PKIG: variants seen among roughly 807,000 people sequenced by gnomAD.
The protein encoded by PKIG is protein kinase (cAMP-dependent, catalytic) inhibitor gamma.
A neutral mutation model predicts 6.8 loss-of-function variants in PKIG; 1 was observed. The observed-to-expected ratio is 0.15, with a 90% CI of 0.05 to 0.69. The LOEUF is 0.69. Ranked by LOEUF, PKIG falls within the 30% of genes least tolerant of loss-of-function variation. The probability of loss-of-function intolerance (pLI) is 0.82; values close to 1 mark genes in which losing one functional copy is unlikely to be tolerated. For missense variants in PKIG, 77 were observed against 104.0 expected (o/e 0.74, Z 1.13); for synonymous variants, 39 against 43.0 (o/e 0.91, Z 0.36).
chr20:44,590,388 C>T (rs2065024859), intron 2 of PKIG, among the ~76,000 whole-genome samples: 1 of 152,164 alleles, frequency 6.6e-6, no homozygotes, highest in South Asian at 2.1e-4. Context: ...TGCAGTCCCT[C>T]CAGCTGAGAA....
intron 1 of PKIG, among the ~76,000 whole-genome samples, chr20:44,583,218 C>T (rs2123349841): frequency 6.6e-6 from 1 of 152,304 alleles, no homozygotes; most frequent in Non-Finnish European, 1.5e-5. Context: ...TATGGTCAGA[C>T]TCCATGAATT....
intron 2 of PKIG, among the ~76,000 whole-genome samples, chr20:44,611,570 G>C (rs1177558239): frequency 6.7e-6 from 1 of 149,842 alleles, no homozygotes; most frequent in Non-Finnish European, 1.5e-5. Context: ...AGGCTAGAGT[G>C]CAGTGTCATG....
chr20:44,541,252 C>G (rs533983470), intron 1 of PKIG, among the ~76,000 whole-genome samples: 1 of 152,302 alleles, frequency 6.6e-6, no homozygotes, highest in South Asian at 2.1e-4. Flanking sequence ...GATTCTCCAT[C>G]AGCTGTGTGC....
chr20:44,543,815 C>T (rs6031652), intron 1 of PKIG, among the ~76,000 whole-genome samples: 10,680 of 152,178 alleles, frequency 0.07, 412 homozygotes, highest in South Asian at 0.15. Flanking sequence ...GTAATCCCAG[C>T]ACTGTGGGAA....
chr20:44,612,042 A>G lies in PKIG; in HGVS notation c.-23-2492A>G, dbSNP rs139137553. Among the ~76,000 whole-genome samples the G allele has an allele frequency of 3.0e-3, 450 of 152,134 alleles. 2 individuals are homozygous for G. The highest frequency in any genetic ancestry group is 5.7e-3 in the Admixed American group (87 of 15,266). ...CATGTTGGACATTTGGGTTGATTCC[A>G]TATCTTGGCTATTATAAATAGTGCT... On this transcript the variant is annotated intron_variant, in intron 2 of 3. Coordinates refer to ENST00000372886, the MANE Select transcript of PKIG (RefSeq NM_001281445.2).
upstream of PKIG, among the ~76,000 whole-genome samples, chr20:44,579,633 C>T (rs925762783): frequency 2.0e-5 from 3 of 152,190 alleles, no homozygotes; most frequent in African/African-American, 7.2e-5. Flanking sequence ...AGCTTGGCCC[C>T]AGCCCACATA....
upstream of PKIG, among the ~76,000 whole-genome samples, chr20:44,580,623 C>A (rs1361292492): frequency 1.3e-5 from 2 of 151,978 alleles, no homozygotes; most frequent in Non-Finnish European, 2.9e-5. Context: ...GCTAGGATTA[C>A]AGGTGTGAGC....
intron 1 of PKIG, among the ~76,000 whole-genome samples, chr20:44,568,742 CCTGGCTCTT>C (rs1200899097): frequency 1.3e-5 from 2 of 152,132 alleles, no homozygotes; most frequent in Non-Finnish European, 2.9e-5. Flanking sequence ...AGCCACTGCA[CCTGGCTCTT>C]ATGTGACTAT....
chr20:44,535,465 A>T (rs2064504120), intron 1 of PKIG, among the ~76,000 whole-genome samples: 1 of 152,094 alleles, frequency 6.6e-6, no homozygotes, highest in African/African-American at 2.4e-5. Context: ...ACATGGTGAA[A>T]CCCCATCTCT....
chr20:44,561,294 A>G (rs1288289376), intron 1 of PKIG, among the ~76,000 whole-genome samples: 1 of 152,144 alleles, frequency 6.6e-6, no homozygotes, highest in Non-Finnish European at 1.5e-5. Flanking sequence ...CCGAGATCGC[A>G]CCAGTGTATT....
At chr20:44,543,665 C>T (rs1163113791) in intron 1 of PKIG, among the ~76,000 whole-genome samples, 3 of 152,158 alleles carry the variant, frequency 2.0e-5, no homozygotes, top group African/African-American at 7.2e-5. Context: ...TTGTGCCCTC[C>T]CTAGAGTATT....
rs145562170 is a variant in PKIG, at chr20:44,554,001, T to C, written c.-241+22023T>C. On this transcript the variant is annotated intron_variant, in intron 1 of 4. Coordinates refer to the PKIG transcript ENST00000372887. ...GACCAAAGGACAGTGAGAGGGAAGT[T>C]TGGCACAAAATAAATTCAGAGAAGC... Among the ~76,000 whole-genome samples the C allele has an allele frequency of 2.6e-4, 40 of 152,180 alleles. No individual in the cohort carries two copies. In the East Asian group the frequency reaches 7.5e-3, roughly 29 times the overall value.
In PKIG at chr20:44,610,500, T is replaced by TCTCACACA. The variant is rs1555841182; in HGVS notation, c.-23-4033_-23-4032insTCACACAC. ...TCTCTCTCTCTTCTCTCTCTCTCTC[T>TCTCACACA]CACACACACACACACACACACACAC... On this transcript the variant is annotated intron_variant, in intron 2 of 3. Transcript: ENST00000372886. 1.5e-3 allele frequency among the ~76,000 whole-genome samples: 201 copies of TCTCACACA among 135,474 alleles called. 3 individuals are homozygous for TCTCACACA. The South Asian group carries it at 0.018, about 12-fold the overall frequency. 88.9% of individuals were successfully genotyped at this position (135,474 alleles called of 152,430 possible).
intron 2 of PKIG, among the ~76,000 whole-genome samples, chr20:44,603,525 G>T (rs1172672786): frequency 1.3e-5 from 2 of 152,044 alleles, no homozygotes; most frequent in East Asian, 3.9e-4. Flanking sequence ...TCAGAGATTT[G>T]TAATGTCATC....
chr20:44,565,464 C>T (rs780115423), intron 1 of PKIG, among the ~76,000 whole-genome samples: 5 of 152,318 alleles, frequency 3.3e-5, no homozygotes, highest in African/African-American at 4.8e-5. Context: ...GAAGCAATCA[C>T]AGACAATATT....
chr20:44,589,650 C>T (rs923320777), intron 1 of PKIG, 147 bp from the exon 2 acceptor site: 3 of 152,060 alleles, frequency 2.0e-5, no homozygotes, highest in African/African-American at 7.2e-5. Flanking sequence ...AGGAATGTGA[C>T]GTGTCTAGGA....
chr20:44,580,763 A>G (rs77598090), upstream of PKIG, among the ~76,000 whole-genome samples: 88 of 152,286 alleles, frequency 5.8e-4, no homozygotes, highest in African/African-American at 1.9e-3. Flanking sequence ...ATGTTTTCTG[A>G]TAAGCATCTG....
At chr20:44,537,350 G>A (rs1438611431) in intron 1 of PKIG, among the ~76,000 whole-genome samples, 1 of 151,922 alleles carries the variant, frequency 6.6e-6, no homozygotes. Flanking sequence ...TGATCCACTC[G>A]CCTTGGCCTC....
At chr20:44,544,829 G>A (rs530528051) in intron 1 of PKIG, among the ~76,000 whole-genome samples, 8 of 151,022 alleles carry the variant, frequency 5.3e-5, no homozygotes, top group East Asian at 2.0e-4. Flanking sequence ...GGCCAACAAT[G>A]TCAGCTATAC....
Sources: allele counts gnomAD v4.1 joint callset (sites outside exome capture counted in the v4.1 genomes callset), GRCh38; gene constraint gnomAD v4.1.1; transcripts MANE v1.5; gene names NCBI Gene and HGNC (gene_info 2026-07-23, HGNC 2026-07-21).